The following EFHC2 variants were observed in gnomAD, a reference collection of about 807,000 sequenced individuals.
EFHC2 encodes EF-hand domain containing 2, also known as EF-hand domain-containing family member C2.
A neutral mutation model predicts 52.7 loss-of-function variants in EFHC2; 18 were observed. That is an observed-to-expected ratio of 0.34 (90% confidence interval 0.24 to 0.51). The LOEUF is 0.51. Among genes scored for constraint, EFHC2 ranks in the 20% least tolerant of loss-of-function variants. EFHC2 has a pLI of 0.97. For missense variants in EFHC2, 513 were observed against 562.5 expected (o/e 0.91, Z 0.89); for synonymous variants, 203 against 204.1 (o/e 0.99, Z 0.04).
intron 11 of EFHC2, among the ~76,000 whole-genome samples, chrX:44,204,262 A>G (rs2037030304): frequency 9.2e-6 from 1 of 108,254 alleles, no homozygotes; most frequent in Non-Finnish European, 1.9e-5. Flanking sequence ...AAGCAGCAAC[A>G]GCCTCAGATG....
chrX:44,207,947 A>G (rs2037061191), intron 11 of EFHC2, among the ~76,000 whole-genome samples: 1 of 112,420 alleles, frequency 8.9e-6, no homozygotes, highest in African/African-American at 3.2e-5. Flanking sequence ...ATCAAATAAG[A>G]TATCATCTCA....
chrX:44,183,135 A>T (rs918855059), intron 11 of EFHC2, among the ~76,000 whole-genome samples: 16 of 111,944 alleles, frequency 1.4e-4, no homozygotes, highest in Non-Finnish European at 2.6e-4. Flanking sequence ...CTAAAAAAAA[A>T]TTAGTTTTAG....
intron 14 of EFHC2, 100 bp downstream of exon 14, chrX:44,163,822 A>G (rs2036675590): frequency 1.6e-6 from 1 of 606,232 alleles, no homozygotes; most frequent in Admixed American, 3.0e-5. Context: ...AAAAGCACTG[A>G]TGTTAATATT....
chrX:44,192,283 T>C (rs758080135), intron 11 of EFHC2, among the ~76,000 whole-genome samples: 1 of 112,033 alleles, frequency 8.9e-6, no homozygotes, highest in Non-Finnish European at 1.9e-5. Flanking sequence ...ATTTCTATTG[T>C]TCCATGCATA....
At chrX:44,151,941 CAA>C (rs746881006) in intron 14 of EFHC2, among the ~76,000 whole-genome samples, 1 of 111,184 alleles carries the variant, frequency 9.0e-6, no homozygotes, top group South Asian at 3.8e-4. Context: ...CAGAACTGTG[CAA>C]AGATATAGAA....
intron 13 of EFHC2, among the ~76,000 whole-genome samples, chrX:44,174,033 T>C (rs2036765493): frequency 8.9e-6 from 1 of 112,340 alleles, no homozygotes; most frequent in South Asian, 3.7e-4. Flanking sequence ...CATGGCTTCC[T>C]CTACATAGAA....
chrX:44,279,057 TA>T (rs1440250957), intron 2 of EFHC2, among the ~76,000 whole-genome samples: 5 of 112,232 alleles, frequency 4.5e-5, no homozygotes, highest in African/African-American at 1.6e-4. Context: ...CAAAAGCTTT[TA>T]AGGCCGGGCG....
intron 9 of EFHC2, among the ~76,000 whole-genome samples, chrX:44,234,105 A>G (rs1382531205): frequency 9.0e-6 from 1 of 111,669 alleles, no homozygotes; most frequent in East Asian, 2.8e-4. Context: ...CATTCCCCCT[A>G]TTAAATCTCT....
intron 11 of EFHC2, among the ~76,000 whole-genome samples, chrX:44,182,113 A>G (rs1002507280): frequency 9.0e-6 from 1 of 111,435 alleles, no homozygotes; most frequent in Non-Finnish European, 1.9e-5. Context: ...CTCCCTACCC[A>G]GAATCTGCTA....
At chrX:44,246,333 C>G (rs1001330856) in intron 7 of EFHC2, among the ~76,000 whole-genome samples, 1 of 112,158 alleles carries the variant, frequency 8.9e-6, no homozygotes, top group African/African-American at 3.2e-5. Flanking sequence ...ATTAAGTACA[C>G]TGTTGTAACA....
At chrX:44,308,856 T>A (rs2037924889) in intron 2 of EFHC2, among the ~76,000 whole-genome samples, 1 of 113,144 alleles carries the variant, frequency 8.8e-6, no homozygotes, top group Non-Finnish European at 1.9e-5. Flanking sequence ...GAATGCTTTG[T>A]ATTTGGTGTA....
chrX:44,161,331 T>C (rs754561637), intron 14 of EFHC2, among the ~76,000 whole-genome samples: 1 of 111,645 alleles, frequency 9.0e-6, no homozygotes, highest in African/African-American at 3.3e-5. Flanking sequence ...GAAAAACCAA[T>C]AGGGGCTAGT....
At chrX:44,332,058 T>TA (rs1308359912) in intron 1 of EFHC2, among the ~76,000 whole-genome samples, 8 of 106,386 alleles carry the variant, frequency 7.5e-5, no homozygotes, top group South Asian at 4.0e-4. Flanking sequence ...AACTTCAATT[T>TA]AAAAAAAAAA....
intron 2 of EFHC2, among the ~76,000 whole-genome samples, chrX:44,289,409 C>T (rs2037775687): frequency 1.8e-5 from 2 of 111,096 alleles, no homozygotes; most frequent in Non-Finnish European, 3.8e-5. Flanking sequence ...AATGATAACA[C>T]CTTGGCTGAG....
At chrX:44,283,180 G>A (rs933534760) in intron 2 of EFHC2, among the ~76,000 whole-genome samples, 2 of 110,912 alleles carry the variant, frequency 1.8e-5, no homozygotes, top group African/African-American at 6.6e-5. Context: ...AGTTTTGATC[G>A]GAAGCACTTT....
intron 4 of EFHC2, among the ~76,000 whole-genome samples, chrX:44,254,776 C>T (rs749907796): frequency 1.0e-3 from 112 of 111,560 alleles, no homozygotes; most frequent in African/African-American, 3.5e-3. Flanking sequence ...CAGAGGAAAC[C>T]ACAAAGATAC....
intron 1 of EFHC2, among the ~76,000 whole-genome samples, chrX:44,317,587 A>G (rs1402868750): frequency 8.9e-6 from 1 of 112,786 alleles, no homozygotes; most frequent in African/African-American, 3.2e-5. Context: ...GGAGTTTGAG[A>G]CCAGCCTGAG....
At chrX:44,192,243 A>AT (rs1366947941) in intron 11 of EFHC2, among the ~76,000 whole-genome samples, 3 of 111,749 alleles carry the variant, frequency 2.7e-5, no homozygotes, top group African/African-American at 6.5e-5. Context: ...GAAACTAGAT[A>AT]TTTTTTGTTT....
chrX:44,212,748 A>G (rs2037109743), intron 11 of EFHC2, among the ~76,000 whole-genome samples: 1 of 110,592 alleles, frequency 9.0e-6, no homozygotes, highest in Non-Finnish European at 1.9e-5. Context: ...GTCTCACTCT[A>G]TCACCCAGGC....
Sources: allele counts gnomAD v4.1 joint callset (sites outside exome capture counted in the v4.1 genomes callset), GRCh38; gene constraint gnomAD v4.1.1; transcripts MANE v1.5; gene names NCBI Gene and HGNC (gene_info 2026-07-23, HGNC 2026-07-21).